The following C7orf33 variants were observed in gnomAD, a reference collection of about 807,000 sequenced individuals.
C7orf33 encodes chromosome 7 open reading frame 33.
In C7orf33, 15 loss-of-function variants were observed where a neutral mutation model predicts 13.4. That is an observed-to-expected ratio of 1.12 (90% CI 0.75 to 1.72). The LOEUF (loss-of-function observed/expected upper bound fraction) is 1.72. Among genes scored for constraint, C7orf33 ranks in the 40% most tolerant of loss-of-function variants. C7orf33 has a pLI of 0.00. For missense variants in C7orf33, 187 were observed against 220.3 expected (o/e 0.85, Z 0.96); for synonymous variants, 73 against 83.2 (o/e 0.88, Z 0.67).
chr7:148,596,687 C>T lies in C7orf33; in HGVS notation c.204+5558C>T, dbSNP rs148266316. 1.5e-3 allele frequency among the ~76,000 whole-genome samples: 235 copies of T among 152,260 alleles called. 1 individual carries two copies. The highest frequency in any genetic ancestry group is 5.4e-3 in the African/African-American group (224 of 41,552). ...CAATTATCTCCCACCAGGTTCCTCCCACAACACTTGGGGATTATGGGAGTA... is the reference window on the plus strand; with the variant it reads ...CAATTATCTCCCACCAGGTTCCTCCTACAACACTTGGGGATTATGGGAGTA... On this transcript the variant is annotated intron_variant, in intron 1 of 2. Transcript: ENST00000307003.
chr7:148,593,811 AAAG>A (rs1045459116), intron 1 of C7orf33, among the ~76,000 whole-genome samples: 1 of 152,238 alleles, frequency 6.6e-6, no homozygotes, highest in Admixed American at 6.5e-5. Context: ...GCCTGCTGGA[AAAG>A]AAGTGACATG....
rs1563125894 is a variant in C7orf33, at chr7:148,615,812, G to A, written c.*411G>A. 6.1e-6 allele frequency: 1 copy of A among 163,368 alleles called. No individual in the cohort carries two copies. 10.1% of individuals were successfully genotyped at this position (163,368 alleles called of 1,614,324 possible). On this transcript the variant is annotated 3_prime_UTR_variant, in exon 3 of 3. Coordinates refer to ENST00000307003, the MANE Select transcript of C7orf33 (RefSeq NM_145304.4). ...ATTTATGATATTATTTGTAATATCT[G>A]GTATGTCTAAGTAAAACATGCATTC...
At chr7:148,596,651 C>A (rs967832038) in intron 1 of C7orf33, among the ~76,000 whole-genome samples, 12 of 152,106 alleles carry the variant, frequency 7.9e-5, no homozygotes, top group African/African-American at 2.9e-4. Flanking sequence ...GGGGAAACTG[C>A]CCCCATGATT....
intron 1 of C7orf33, among the ~76,000 whole-genome samples, chr7:148,609,256 G>C (rs147650339): frequency 3.5e-4 from 53 of 152,216 alleles, no homozygotes; most frequent in African/African-American, 1.3e-3. Flanking sequence ...CAGGGTCTCT[G>C]TTACAAACCA....
In C7orf33 at chr7:148,590,830, C is replaced by A; in HGVS notation, c.-96C>A. The A allele has an allele frequency of 8.8e-7, 1 of 1,138,468 alleles. No homozygotes were observed. Among genetic ancestry groups the A allele is most frequent in the Non-Finnish European group, 1.3e-6 (1 of 764,124 alleles). 70.5% of individuals were successfully genotyped at this position (1,138,468 alleles called of 1,614,324 possible). A position where few individuals can be genotyped will look rare whatever the true frequency, so the allele number is the denominator to read the frequency against. ...CCCAGCCTGTGTCTGAATCCTCCTA[C>A]TGACCCTGGGGATCCGTGCGACTTG... On this transcript the variant is annotated 5_prime_UTR_variant, in exon 1 of 3. In the 5' UTR this introduces an upstream ATG that the reference lacks. Transcript: ENST00000307003.
chr7:148,595,670 A>C (rs533930838), intron 1 of C7orf33, among the ~76,000 whole-genome samples: 76 of 110,328 alleles, frequency 6.9e-4, no homozygotes, highest in African/African-American at 2.9e-3. Flanking sequence ...TATATTATAT[A>C]GATATAATAT....
chr7:148,605,024 G>T (rs1370593352), intron 1 of C7orf33, among the ~76,000 whole-genome samples: 1 of 152,154 alleles, frequency 6.6e-6, no homozygotes, highest in Admixed American at 6.5e-5. Context: ...CTGAGGTCAG[G>T]AGTTCAAGAC....
intron 1 of C7orf33, among the ~76,000 whole-genome samples, chr7:148,612,610 A>G (rs1483725434): frequency 1.3e-5 from 2 of 152,200 alleles, no homozygotes; most frequent in African/African-American, 4.8e-5. Flanking sequence ...AAAAGATTAC[A>G]AATAGCCAAT....
In C7orf33 at chr7:148,594,074, G is replaced by A. The variant is rs186058505; in HGVS notation, c.204+2945G>A. ...TGTGCCTGCTTCTACTTTGCCTTCCGTCATGAGTGAAAGCTCCTTGAGGCC... is the reference window on the plus strand; with the variant it reads ...TGTGCCTGCTTCTACTTTGCCTTCCATCATGAGTGAAAGCTCCTTGAGGCC... On this transcript the variant is annotated intron_variant, in intron 1 of 2. Coordinates refer to ENST00000307003, the MANE Select transcript of C7orf33 (RefSeq NM_145304.4). Among the ~76,000 whole-genome samples the A allele has an allele frequency of 4.6e-5, 7 of 151,738 alleles. No homozygotes were observed. In the East Asian group the frequency reaches 1.4e-3, roughly 29 times the overall value.
Position 148,597,665 on chromosome 7 carries a change from C to G in C7orf33, c.204+6536C>G, listed in dbSNP as rs1563120888. Among the ~76,000 whole-genome samples the G allele has an allele frequency of 3.3e-5, 5 of 152,300 alleles. No individual in the cohort carries two copies. The East Asian group carries it at 7.7e-4, about 23-fold the overall frequency. On this transcript the variant is annotated intron_variant, in intron 1 of 2. Coordinates refer to ENST00000307003, the MANE Select transcript of C7orf33 (RefSeq NM_145304.4). ...ATCCAGCATACTAGCCCCATCCTTC[C>G]CAATCTCCCATCCCAAAAAGTAACC...
chr7:148,597,963 G>A (rs139049559), intron 1 of C7orf33, among the ~76,000 whole-genome samples: 3 of 152,174 alleles, frequency 2.0e-5, no homozygotes, highest in East Asian at 1.9e-4. Context: ...CACTGTGTTA[G>A]CCAGGATGAT....
At chr7:148,597,931 ATTT>A (rs994077899) in intron 1 of C7orf33, among the ~76,000 whole-genome samples, 2 of 151,784 alleles carry the variant, frequency 1.3e-5, no homozygotes, top group African/African-American at 4.8e-5. Flanking sequence ...AATTTTTTGT[ATTT>A]TTAGTAGAGA....
chr7:148,600,122 T>C (rs2116893164), intron 1 of C7orf33, among the ~76,000 whole-genome samples: 1 of 152,308 alleles, frequency 6.6e-6, no homozygotes, highest in East Asian at 1.9e-4. Flanking sequence ...TCTGGGTACC[T>C]CTAGCCATTT....
intron 1 of C7orf33, among the ~76,000 whole-genome samples, chr7:148,597,788 C>T (rs1796358047): frequency 6.6e-6 from 1 of 151,178 alleles, no homozygotes; most frequent in South Asian, 2.1e-4. Flanking sequence ...CGGAATCTCG[C>T]ACTGTCGCCC....
chr7:148,601,082 G>A (rs1164132808), intron 1 of C7orf33, among the ~76,000 whole-genome samples: 1 of 151,918 alleles, frequency 6.6e-6, no homozygotes, highest in Non-Finnish European at 1.5e-5. Flanking sequence ...GATTACAGGT[G>A]TGAGCCACCG....
At chr7:148,608,494 G>A (rs1162438260) in intron 1 of C7orf33, among the ~76,000 whole-genome samples, 5 of 151,834 alleles carry the variant, frequency 3.3e-5, no homozygotes, top group African/African-American at 7.3e-5. Flanking sequence ...ATAATCACTC[G>A]ACATGGACTT....
intron 1 of C7orf33, among the ~76,000 whole-genome samples, chr7:148,597,375 G>A (rs1028910496): frequency 6.6e-5 from 10 of 151,944 alleles, no homozygotes; most frequent in Non-Finnish European, 1.2e-4. Flanking sequence ...TATGCCTCCC[G>A]AGTTCAAGTA....
intron 1 of C7orf33, among the ~76,000 whole-genome samples, chr7:148,603,953 A>G (rs1465897602): frequency 2.0e-5 from 3 of 152,208 alleles, no homozygotes; most frequent in Non-Finnish European, 4.4e-5. Context: ...ACACACATTT[A>G]TAGCAGCACA....
chr7:148,604,309 TAGAG>T (rs1403039119), intron 1 of C7orf33, among the ~76,000 whole-genome samples: 1 of 151,882 alleles, frequency 6.6e-6, no homozygotes, highest in East Asian at 1.9e-4. Flanking sequence ...GTATTTTCAG[TAGAG>T]AGAGAGTTTC....
Sources: allele counts gnomAD v4.1 joint callset (sites outside exome capture counted in the v4.1 genomes callset), GRCh38; gene constraint gnomAD v4.1.1; transcripts MANE v1.5; gene names NCBI Gene and HGNC (gene_info 2026-07-23, HGNC 2026-07-21).